SORBS2: variants seen among roughly 807,000 people sequenced by gnomAD.
SORBS2 encodes sorbin and SH3 domain containing 2.
Under a neutral mutation model 97.7 loss-of-function variants are expected in SORBS2, and 46 were observed. The observed-to-expected ratio is 0.47, with a 90% CI of 0.37 to 0.60. SORBS2 has a LOEUF of 0.60. SORBS2 is among the 20% of genes least tolerant of loss of function. The pLI is 0.00. For missense variants in SORBS2, 1,316 were observed against 1,282.3 expected, an observed-to-expected ratio of 1.03 and a Z score of -0.40; for synonymous variants, 476 against 473.4, an observed-to-expected ratio of 1.01 and a Z score of -0.07.
intron 1 of SORBS2, among the ~76,000 whole-genome samples, chr4:185,878,458 C>T (rs2099234906): frequency 6.6e-6 from 1 of 152,180 alleles, no homozygotes; most frequent in Non-Finnish European, 1.5e-5. Context: ...ACACCTCCAT[C>T]TACCAATTTA....
chr4:185,738,951 T>TA (rs2098705600), intron 2 of SORBS2, among the ~76,000 whole-genome samples: 1 of 152,242 alleles, frequency 6.6e-6, no homozygotes, highest in Non-Finnish European at 1.5e-5. Flanking sequence ...ACCCTCTGGG[T>TA]TCCATTCTCT....
intron 4 of SORBS2, chr4:185,677,269 G>A (rs2097801157): frequency 9.7e-6 from 15 of 1,552,076 alleles, no homozygotes; most frequent in Non-Finnish European, 1.3e-5. Flanking sequence ...CTACTTCCTA[G>A]ATCCTGGTTA....
At chr4:185,665,529 T>C (rs1040246921) in intron 4 of SORBS2, among the ~76,000 whole-genome samples, 1 of 152,180 alleles carries the variant, frequency 6.6e-6, no homozygotes, top group Admixed American at 6.5e-5. Flanking sequence ...TATAAGTAAT[T>C]CTAAAATGAA....
At chr4:185,711,157 A>G (rs997489472) in intron 2 of SORBS2, among the ~76,000 whole-genome samples, 1 of 150,416 alleles carries the variant, frequency 6.6e-6, no homozygotes, top group Non-Finnish European at 1.5e-5. Flanking sequence ...TTTTTTTTGT[A>G]GAGCTGGGGT....
At chr4:185,695,737 A>G (rs1366840934) in intron 2 of SORBS2, among the ~76,000 whole-genome samples, 2 of 152,240 alleles carry the variant, frequency 1.3e-5, no homozygotes, top group Non-Finnish European at 2.9e-5. Flanking sequence ...TCACTTTTCT[A>G]TTATAGTCAA....
intron 12 of SORBS2, among the ~76,000 whole-genome samples, chr4:185,610,907 T>C (rs75030396): frequency 0.025 from 3,815 of 152,188 alleles, 165 homozygotes; most frequent in African/African-American, 0.088. Context: ...TTCCTAGAAG[T>C]TAATGAGAAA....
At chr4:185,876,186 C>T (rs550788509) in intron 1 of SORBS2, among the ~76,000 whole-genome samples, 71 of 152,290 alleles carry the variant, frequency 4.7e-4, no homozygotes, top group African/African-American at 1.6e-3. Flanking sequence ...CAGCCCTTTG[C>T]AACCCCCACT....
intron 4 of SORBS2, among the ~76,000 whole-genome samples, chr4:185,631,778 AAAAACAACAAAAAAAC>A (rs2096912157): frequency 4.3e-5 from 5 of 117,588 alleles, no homozygotes; most frequent in African/African-American, 1.6e-4. Flanking sequence ...AACAAAAACA[AAAAACAACAAAAAAAC>A]AAAACAAAAC....
chr4:185,643,865 C>T (rs989461126), intron 4 of SORBS2, among the ~76,000 whole-genome samples: 4 of 152,176 alleles, frequency 2.6e-5, no homozygotes, highest in Non-Finnish European at 4.4e-5. Context: ...TACCCCTCAG[C>T]GCTGGCCATC....
intron 13 of SORBS2, 116 bp downstream of exon 25, chr4:185,593,770 G>T: frequency 1.4e-6 from 1 of 694,868 alleles, no homozygotes; most frequent in Non-Finnish European, 2.6e-6. Context: ...AATTTAAGAG[G>T]CCTCATGTTA....
At chr4:185,742,810 G>T (rs984498493) in intron 2 of SORBS2, among the ~76,000 whole-genome samples, 4 of 152,284 alleles carry the variant, frequency 2.6e-5, no homozygotes, top group Admixed American at 1.3e-4. Context: ...TTAGATTCTG[G>T]GCGTGTCCTA....
chr4:185,939,801 C>T (rs1005943214), intron 1 of SORBS2, among the ~76,000 whole-genome samples: 5 of 152,144 alleles, frequency 3.3e-5, no homozygotes, highest in East Asian at 1.9e-4. Flanking sequence ...TGAGCTACCA[C>T]GCCTGGCCTG....
chr4:185,919,576 T>C (rs2099260037), intron 1 of SORBS2: 1 of 152,194 alleles, frequency 6.6e-6, no homozygotes. Context: ...GTAGAGGTTT[T>C]TCTTTCTTTC....
At chr4:185,797,165 C>CTA in intron 1 of SORBS2, among the ~76,000 whole-genome samples, 1 of 152,344 alleles carries the variant, frequency 6.6e-6, no homozygotes, top group African/African-American at 2.4e-5. Context: ...GTAGAGCTGT[C>CTA]TGTGCCGAAG....
chr4:185,805,600 C>G (rs76618410), intron 1 of SORBS2, among the ~76,000 whole-genome samples: 1 of 152,138 alleles, frequency 6.6e-6, no homozygotes, highest in Admixed American at 6.5e-5. Context: ...CCTCCCTTTG[C>G]GTAAACTGGT....
At chr4:185,686,549 G>A (rs973589145) in intron 2 of SORBS2, among the ~76,000 whole-genome samples, 5 of 152,228 alleles carry the variant, frequency 3.3e-5, no homozygotes, top group African/African-American at 4.8e-5. Context: ...GGATTTTAGC[G>A]AACTCAGCAA....
intron 2 of SORBS2, among the ~76,000 whole-genome samples, chr4:185,739,080 C>G (rs747664566): frequency 2.2e-4 from 34 of 152,236 alleles, no homozygotes; most frequent in Non-Finnish European, 3.8e-4. Flanking sequence ...AATAATGCAG[C>G]TGAGAGCTGA....
At chr4:185,952,413 T>C (rs1028537953) in intron 1 of SORBS2, among the ~76,000 whole-genome samples, 1 of 152,200 alleles carries the variant, frequency 6.6e-6, no homozygotes, top group South Asian at 2.1e-4. Flanking sequence ...GGCCAGTAGG[T>C]AGAGGTCACC....
chr4:185,608,762 G>T (rs2096482255), intron 12 of SORBS2, among the ~76,000 whole-genome samples: 1 of 152,076 alleles, frequency 6.6e-6, no homozygotes. Context: ...CCTTGAGAAG[G>T]GACCTTTCAC....
Sources: allele counts gnomAD v4.1 joint callset (sites outside exome capture counted in the v4.1 genomes callset), GRCh38; gene constraint gnomAD v4.1.1; transcripts MANE v1.5; gene names NCBI Gene and HGNC (gene_info 2026-07-23, HGNC 2026-07-21).